The following ATXN2 variants were observed in gnomAD, a reference collection of about 807,000 sequenced individuals.
ATXN2 encodes ataxin-2.
In ATXN2, 37 loss-of-function variants were observed where a neutral mutation model predicts 138.6. That is an observed-to-expected ratio of 0.27 (90% CI 0.21 to 0.35). ATXN2 has a LOEUF of 0.35. Among genes scored for constraint, ATXN2 ranks in the 10% least tolerant of loss-of-function variants. The probability of loss-of-function intolerance (pLI) is 1.00; values close to 1 mark genes in which losing one functional copy is unlikely to be tolerated. For synonymous variants in ATXN2, 549 were observed against 543.7 expected, an observed-to-expected ratio of 1.01 and a Z score of -0.13; for missense variants, 1,216 against 1,480.3, an observed-to-expected ratio of 0.82 and a Z score of 2.93.
chr12:111,523,175 A>C (rs1176372733), intron 6 of ATXN2, among the ~76,000 whole-genome samples: 1 of 151,572 alleles, frequency 6.6e-6, no homozygotes, highest in Non-Finnish European at 1.5e-5. Flanking sequence ...AGGCAGGAGA[A>C]TCGCTTGAAC....
At chr12:111,466,809 T>C (rs940822021) in intron 20 of ATXN2, among the ~76,000 whole-genome samples, 5 of 152,118 alleles carry the variant, frequency 3.3e-5, no homozygotes, top group Admixed American at 6.6e-5. Flanking sequence ...TCTGTTTGCA[T>C]TAAATGTTTT....
intron 18 of ATXN2, 73 bp downstream of exon 18, chr12:111,485,192 T>C: frequency 2.1e-6 from 3 of 1,406,632 alleles, no homozygotes; most frequent in Non-Finnish European, 3.0e-6. Context: ...CAACTATTTA[T>C]TCATTATAAA....
chr12:111,537,213 A>G (rs112003001), intron 5 of ATXN2, among the ~76,000 whole-genome samples: 7 of 152,302 alleles, frequency 4.6e-5, no homozygotes, highest in African/African-American at 1.2e-4. Flanking sequence ...GTATAATGGA[A>G]TATTTGGCCA....
chr12:111,455,436 T>TA (rs1275820413), intron 23 of ATXN2: 1 of 335,488 alleles, frequency 3.0e-6, no homozygotes, highest in African/African-American at 2.1e-5. Context: ...GGGCTGCTCT[T>TA]AAAGAAAAAT....
rs1885025901 is a variant in ATXN2 at position 111,598,051 on chromosome 12, C to T, written c.251+733G>A. 8.6e-7 allele frequency: 1 copy of T among 1,161,848 alleles called. No homozygotes were observed. The highest frequency in any genetic ancestry group is 3.7e-5 in the Admixed American group (1 of 26,836). The allele number at this position is 1,161,848 out of a possible 1,614,324, so 72.0% of individuals were successfully genotyped here. A position where few individuals can be genotyped will look rare whatever the true frequency, so the allele number is the denominator to read the frequency against. ...CCGGGCACTCCCCACCCCTTCCCTTCCCCAGGTGGGGGAGGGTGGAACGCT... is the reference window on the plus strand; with the variant it reads ...CCGGGCACTCCCCACCCCTTCCCTTTCCCAGGTGGGGGAGGGTGGAACGCT... On this transcript the variant is annotated intron_variant, in intron 1 of 24. Coordinates refer to ENST00000673436, the MANE Select transcript of ATXN2 (RefSeq NM_001372574.1). The surrounding 1 kb of genome is among the most constrained non-coding windows in gnomAD (Gnocchi z 4.5).
At chr12:111,581,365 C>A in intron 1 of ATXN2, 1 of 609,382 alleles carries the variant, frequency 1.6e-6, no homozygotes, top group Non-Finnish European at 3.1e-6. Flanking sequence ...CACAGCTGGT[C>A]TTCCCTGGAC....
intron 14 of ATXN2, among the ~76,000 whole-genome samples, chr12:111,492,648 C>T (rs567173438): frequency 6.6e-6 from 1 of 151,766 alleles, no homozygotes; most frequent in Admixed American, 6.6e-5. Context: ...TGCCACTGCA[C>T]TCCAGCCTGG....
At chr12:111,475,344 CAAAA>C (rs772048264) in intron 18 of ATXN2, among the ~76,000 whole-genome samples, 1 of 45,976 alleles carries the variant, frequency 2.2e-5, no homozygotes, top group Non-Finnish European at 6.0e-5. Flanking sequence ...GATTCCATCT[CAAAA>C]AAAAAAAAAA....
intron 5 of ATXN2, among the ~76,000 whole-genome samples, chr12:111,534,265 G>A (rs1407614961): frequency 6.6e-6 from 1 of 151,730 alleles, no homozygotes; most frequent in East Asian, 1.9e-4. Flanking sequence ...GCCAGGCATG[G>A]TGATGCGCAC....
chr12:111,596,665 C>T (rs137959413), intron 1 of ATXN2, among the ~76,000 whole-genome samples: 145 of 152,252 alleles, frequency 9.5e-4, no homozygotes, highest in African/African-American at 3.1e-3. Context: ...TTACACAAAT[C>T]CAACACAGTA....
At chr12:111,595,265 A>G (rs1884876719) in intron 1 of ATXN2, among the ~76,000 whole-genome samples, 1 of 152,208 alleles carries the variant, frequency 6.6e-6, no homozygotes, top group Admixed American at 6.6e-5. Context: ...ACACTGAAGC[A>G]AAAAGCTATT....
intron 20 of ATXN2, among the ~76,000 whole-genome samples, chr12:111,467,183 C>T (rs759176239): frequency 2.0e-5 from 3 of 151,806 alleles, no homozygotes; most frequent in Non-Finnish European, 2.9e-5. Context: ...TGCTCTGTCA[C>T]CCAGGCTGGA....
At chr12:111,581,248 T>A (rs918925334) in intron 1 of ATXN2, 8 of 345,372 alleles carry the variant, frequency 2.3e-5, no homozygotes, top group African/African-American at 1.7e-4. Flanking sequence ...TGGTCTCAAT[T>A]TCTTCACCCG....
At chr12:111,590,402 T>C (rs1293362983) in intron 1 of ATXN2, among the ~76,000 whole-genome samples, 3 of 151,864 alleles carry the variant, frequency 2.0e-5, no homozygotes. Flanking sequence ...ACAAGCCTGT[T>C]AGGGGGCCGG....
chr12:111,541,453 G>T (rs542951773), intron 5 of ATXN2, among the ~76,000 whole-genome samples: 3 of 143,636 alleles, frequency 2.1e-5, no homozygotes, highest in African/African-American at 7.5e-5. Flanking sequence ...CCGAGTTCAA[G>T]CGATTCTCCT....
intron 1 of ATXN2, among the ~76,000 whole-genome samples, chr12:111,567,474 TG>T (rs1883075230): frequency 6.6e-6 from 1 of 150,778 alleles, no homozygotes; most frequent in Non-Finnish European, 1.5e-5. Context: ...CACTCCAGCC[TG>T]GGAGACAGAG....
In ATXN2 at chr12:111,488,588, T is replaced by C; in HGVS notation, c.2128A>G (p.Ser710Gly). ...GGTCCCCTCTTGTGCTCCGTGTTAC[T>C]AAGTATTGAAGGGGAAATGCTGGGG... The part of the protein sequence containing the change: ...NSPSISPSIL[S>G]NTEHKRGPEV... The change falls in exon 15 of 25, where the codon AGT becomes GGT. Residue 710 changes from serine to glycine, a missense_variant. Physicochemically the swap from Ser to Gly is moderately conservative, Grantham distance 56 (BLOSUM62 0). Transcript: ENST00000673436. 2.5e-6 allele frequency: 4 copies of C among 1,614,204 alleles called. No homozygotes were observed. Among genetic ancestry groups the C allele is most frequent in the Non-Finnish European group, 3.4e-6 (4 of 1,180,044 alleles).
At chr12:111,456,759 T>G (rs1205604669) in intron 22 of ATXN2, among the ~76,000 whole-genome samples, 3 of 152,186 alleles carry the variant, frequency 2.0e-5, no homozygotes, top group Non-Finnish European at 4.4e-5. Flanking sequence ...TTTAATTTTT[T>G]ATTTTTTTGA....
chr12:111,558,096 A>G (rs1355122939), intron 1 of ATXN2, among the ~76,000 whole-genome samples: 2 of 152,242 alleles, frequency 1.3e-5, no homozygotes, highest in Non-Finnish European at 2.9e-5. Flanking sequence ...CGAATCATTC[A>G]ACCAGGAAAA....
Sources: gnomAD v4.1 joint callset for allele counts (sites outside exome capture counted in the v4.1 genomes callset) on GRCh38, gnomAD v4.1.1 for gene constraint, Gnocchi (gnomAD v3.1) non-coding constraint, MANE v1.5 for transcripts, NCBI Gene and HGNC (gene_info 2026-07-23, HGNC 2026-07-21) for gene names.